The following ITSN2 variants were observed in gnomAD, a reference collection of about 807,000 sequenced individuals.
ITSN2 encodes intersectin-2.
Under a neutral mutation model 243.7 loss-of-function variants are expected in ITSN2, and 156 were observed. The observed-to-expected ratio is 0.64, with a 90% confidence interval of 0.56 to 0.73. The LOEUF (loss-of-function observed/expected upper bound fraction) is 0.73. Among genes scored for constraint, ITSN2 ranks in the 30% least tolerant of loss-of-function variants. The pLI is 0.00. For missense variants in ITSN2, 1,801 were observed against 1,996.1 expected, an observed-to-expected ratio of 0.90 and a Z score of 1.86; for synonymous variants, 703 against 699.9, an observed-to-expected ratio of 1.00 and a Z score of -0.07.
At chr2:24,251,753 G>C (rs1674328702) in intron 25 of ITSN2, among the ~76,000 whole-genome samples, 1 of 150,778 alleles carries the variant, frequency 6.6e-6, no homozygotes, top group African/African-American at 2.4e-5. Flanking sequence ...CCATGTAATG[G>C]ATTTAATTAT....
At chr2:24,330,121 T>C (rs528527608) in intron 1 of ITSN2, among the ~76,000 whole-genome samples, 2 of 152,184 alleles carry the variant, frequency 1.3e-5, no homozygotes, top group Non-Finnish European at 2.9e-5. Context: ...CTCTGCATAA[T>C]AGCATGTGAA....
intron 1 of ITSN2, among the ~76,000 whole-genome samples, chr2:24,355,100 T>G (rs1688327711): frequency 6.6e-6 from 1 of 152,170 alleles, no homozygotes; most frequent in Admixed American, 6.5e-5. Flanking sequence ...TCTCATATCC[T>G]TTAAGACCAG....
At chr2:24,231,608 G>T (rs898443455) in intron 29 of ITSN2, among the ~76,000 whole-genome samples, 1 of 152,214 alleles carries the variant, frequency 6.6e-6, no homozygotes, top group African/African-American at 2.4e-5. Flanking sequence ...TCATAGGTAT[G>T]TCGCACCATA....
intron 4 of ITSN2, 79 bp from the exon 5 acceptor site, chr2:24,312,454 G>T: frequency 1.9e-6 from 2 of 1,076,696 alleles, no homozygotes; most frequent in Non-Finnish European, 2.6e-6. Context: ...GATTGACAAA[G>T]TAAAAATGAT....
At chr2:24,295,593 G>A in intron 14 of ITSN2, 71 bp downstream of exon 14, 1 of 1,233,674 alleles carries the variant, frequency 8.1e-7, no homozygotes, top group African/African-American at 1.6e-5. Context: ...ACAGCCGTGA[G>A]CCACCGTGCC....
At chr2:24,328,670 C>T (rs1420568893) in intron 1 of ITSN2, among the ~76,000 whole-genome samples, 1 of 152,000 alleles carries the variant, frequency 6.6e-6, no homozygotes, top group Admixed American at 6.6e-5. Context: ...GCCATGTTGA[C>T]CAGAATGGTC....
In ITSN2 at chr2:24,208,300, T is replaced by C; in HGVS notation, c.4615A>G (p.Ile1539Val). Reference sequence around the variant, plus strand: ...ATGTACTGCTCAGACGCCGCCTTGATCTTCTGCACCCAGGCGGTCCTACGG... The same window carrying C: ...ATGTACTGCTCAGACGCCGCCTTGACCTTCTGCACCCAGGCGGTCCTACGG... ...INERTAWVQK[I>V]KAASEQYIDT... The change falls in exon 37 of 40, where the codon ATC becomes GTC. Residue 1539 changes from isoleucine (I) to valine (V), a missense_variant. Ile to Val is a conservative substitution (Grantham distance 29, BLOSUM62 3). Coordinates refer to ENST00000355123, the MANE Select transcript of ITSN2 (RefSeq NM_006277.3). The C allele has an allele frequency of 6.2e-7, 1 of 1,612,430 alleles. No individual in the cohort carries two copies. Among genetic ancestry groups the C allele is most frequent in the Non-Finnish European group, 8.5e-7 (1 of 1,179,846 alleles).
Position 24,298,666 on chromosome 2 carries a change from A to G in ITSN2, c.1493T>C (p.Leu498Pro). ...KKNLHLELEA[L>P]NGKHQQISGR... is the part of the protein sequence containing the mutation. ...ATTTCACTTAAACTTCAGCCATACCAGTGCTTCCAACTCAAGATGAAGATT... is the reference window on the plus strand; with the variant it reads ...ATTTCACTTAAACTTCAGCCATACCGGTGCTTCCAACTCAAGATGAAGATT... Residue 498 changes from leucine (L) to proline (P), a missense_variant and splice_region_variant, in exon 13 of 40, where the codon CTG becomes CCG. Physicochemically the swap from Leu to Pro is moderately conservative, Grantham distance 98. Around this residue, in one of 5 missense-constraint regions of ITSN2, gnomAD observed 787 missense variants for 803.9 expected, o/e 0.98. Transcript: ENST00000355123. 1.3e-6 allele frequency: 2 copies of G among 1,597,926 alleles called. No individual in the cohort carries two copies. Among genetic ancestry groups the G allele is most frequent in the Non-Finnish European group, 1.7e-6 (2 of 1,175,512 alleles).
intron 15 of ITSN2, among the ~76,000 whole-genome samples, chr2:24,291,137 T>A (rs1301838404): frequency 6.6e-6 from 1 of 152,152 alleles, no homozygotes; most frequent in African/African-American, 2.4e-5. Context: ...CTTTTTTTTT[T>A]ATTTTGTTTT....
intron 20 of ITSN2, among the ~76,000 whole-genome samples, chr2:24,264,697 T>TACATACAC (rs1676398816): frequency 2.0e-5 from 1 of 49,970 alleles, no homozygotes; most frequent in Non-Finnish European, 4.7e-5. Flanking sequence ...CTGTTGTTTA[T>TACATACAC]ACACACACAC....
intron 30 of ITSN2, among the ~76,000 whole-genome samples, chr2:24,219,021 C>G (rs555508165): frequency 6.6e-6 from 1 of 152,324 alleles, no homozygotes; most frequent in South Asian, 2.1e-4. Context: ...CCCTCAGCTA[C>G]TTCACACTCC....
chr2:24,279,369 C>G (rs1166559501), intron 17 of ITSN2, among the ~76,000 whole-genome samples: 1 of 152,238 alleles, frequency 6.6e-6, no homozygotes, highest in Non-Finnish European at 1.5e-5. Flanking sequence ...CAAGTCAACA[C>G]TGGTTGACTT....
At chr2:24,266,341 G>A (rs1370180780) in intron 20 of ITSN2, among the ~76,000 whole-genome samples, 1 of 152,044 alleles carries the variant, frequency 6.6e-6, no homozygotes, top group African/African-American at 2.4e-5. Context: ...AACTTGAATG[G>A]ATTATTCTAA....
rs561496605 is a variant in ITSN2 at position 24,286,315 on chromosome 2, T to C, written c.1760A>G (p.Glu587Gly). 123 of 1,610,240 alleles carry C rather than the reference T, an allele frequency of 7.6e-5. 1 individual carries two copies. In the South Asian group the frequency reaches 1.3e-3, roughly 17 times the overall value. ...GVSLLHKKSL[E>G]KEELCQRLKE... The stretch of plus-strand genomic sequence containing the variant: ...AAGTCTTTGGCATAATTCTTCCTTT[T>C]CTAATGATTTTTTATGAAGTAAACT... The change falls in exon 16 of 40, where the codon GAA becomes GGA. Residue 587 changes from glutamate to glycine, a missense_variant. Transcript: ENST00000355123.
Position 24,324,057 on chromosome 2 carries a change from C to G in ITSN2, c.31+3995G>C, listed in dbSNP as rs191791075. The stretch of plus-strand genomic sequence containing the variant: ...ACCATCCTGGCTAACGTGGTGAAAC[C>G]CCATCTCTACTAAAAATACAAAAAC... On this transcript the variant is annotated intron_variant, in intron 2 of 39. Transcript: ENST00000355123. 2.8e-4 allele frequency among the ~76,000 whole-genome samples: 42 copies of G among 152,140 alleles called. No homozygotes were observed. In the East Asian group the frequency reaches 7.4e-3, roughly 27 times the overall value.
intron 37 of ITSN2, among the ~76,000 whole-genome samples, chr2:24,206,956 G>T (rs1573844084): frequency 6.6e-6 from 1 of 152,062 alleles, no homozygotes; most frequent in South Asian, 2.1e-4. Flanking sequence ...GCTGGAGGGG[G>T]AGCTCACATG....
At chr2:24,330,945 T>A (rs902986560) in intron 1 of ITSN2, among the ~76,000 whole-genome samples, 1 of 151,888 alleles carries the variant, frequency 6.6e-6, no homozygotes, top group African/African-American at 2.4e-5. Flanking sequence ...TTTTGTATTT[T>A]TAGCAGAGAT....
intron 30 of ITSN2, 77 bp from the exon 31 acceptor site, chr2:24,218,090 T>G: frequency 1.1e-6 from 1 of 910,332 alleles, no homozygotes; most frequent in Non-Finnish European, 1.8e-6. Flanking sequence ...TCAAACAATG[T>G]CTTCATAAAC....
At position 24,210,956 on chromosome 2, in the gene ITSN2, G is replaced by C. The variant is rs1158317035; in HGVS notation, c.4090-9C>G. 3 of 1,613,770 alleles carry C rather than the reference G, an allele frequency of 1.9e-6. No homozygotes were observed. Among genetic ancestry groups the C allele is most frequent in the African/African-American group, 1.3e-5 (1 of 74,942 alleles). On this transcript the variant is annotated splice_polypyrimidine_tract_variant and intron_variant, in intron 33 of 39. Transcript: ENST00000355123. ...GGGGTGTTCTCCAGAATCTGGAAAA[G>C]AGTGGGCAGTGTCACATGGGGGAGC...
Sources: allele counts gnomAD v4.1 joint callset (sites outside exome capture counted in the v4.1 genomes callset), GRCh38; gene constraint gnomAD v4.1.1; regional missense constraint gnomAD v4.1.1; transcripts MANE v1.5; gene names NCBI Gene and HGNC (gene_info 2026-07-23, HGNC 2026-07-21).